Variants in MAST4 observed in about 807,000 individuals in gnomAD.
MAST4 encodes microtubule associated serine/threonine kinase family member 4, also known as microtubule-associated serine/threonine-protein kinase 4.
Under a neutral mutation model 162.7 loss-of-function variants are expected in MAST4, and 89 were observed. The observed-to-expected ratio is 0.55, with a 90% CI of 0.46 to 0.65. MAST4 has a LOEUF of 0.65. MAST4 is among the 30% of genes least tolerant of loss of function. The pLI is 0.00. For synonymous variants in MAST4, 1,479 were observed against 1,361.1 expected, an observed-to-expected ratio of 1.09 and a Z score of -1.91; for missense variants, 3,153 against 3,374.0, an observed-to-expected ratio of 0.93 and a Z score of 1.62.
rs117700975 is a variant in MAST4, at chr5:66,600,845, G to A, written c.363+3827G>A. ...CACTGTGTTTATTAGAACTTGAAAC[G>A]TGCTGGGATCCTTAGAATGGCAGAA... On this transcript the variant is annotated intron_variant, in intron 1 of 28. Transcript: ENST00000403625. Among the ~76,000 whole-genome samples, 472 of 152,232 alleles carry A rather than the reference G, an allele frequency of 3.1e-3. 17 individuals carry two copies. In the South Asian group the frequency reaches 0.058, roughly 19 times the overall value.
chr5:67,165,043 G>T lies in MAST4; in HGVS notation c.5864G>T (p.Cys1955Phe). ...LHSPDLARPR[C>F]PLPPEASPSR... ...AGCCCTGACCTGGCCAGGCCACGCT[G>T]CCCGCTCCCACCTGAAGCTTCCCCC... is the stretch of plus-strand genomic sequence containing the variant. Residue 1955 changes from cysteine to phenylalanine, a missense_variant, in exon 29 of 29, where the codon TGC becomes TTC. By Grantham distance (205) the Cys-to-Phe change is radical. Coordinates refer to ENST00000403625, the MANE Select transcript of MAST4 (RefSeq NM_001164664.2). The T allele has an allele frequency of 1.9e-6, 3 of 1,608,092 alleles. No homozygotes were observed. Among genetic ancestry groups the T allele is most frequent in the Non-Finnish European group, 2.5e-6 (3 of 1,177,186 alleles).
intron 19 of MAST4, 100 bp downstream of exon 19, chr5:67,136,764 A>G: frequency 1.2e-6 from 1 of 834,976 alleles, no homozygotes; most frequent in Non-Finnish European, 2.0e-6. Flanking sequence ...TGCATAGGCA[A>G]CATCTGTTAG....
intron 4 of MAST4, among the ~76,000 whole-genome samples, chr5:66,929,234 G>A (rs1052118841): frequency 6.6e-5 from 10 of 152,168 alleles, no homozygotes; most frequent in Admixed American, 1.3e-4. Flanking sequence ...GTAAGTCCTG[G>A]ATTCCAAAGG....
chr5:67,111,910 G>A (rs1720564976), intron 11 of MAST4, among the ~76,000 whole-genome samples: 1 of 152,168 alleles, frequency 6.6e-6, no homozygotes, highest in South Asian at 2.1e-4. Context: ...GAGTTTCATA[G>A]TATTAGGGGA....
intron 1 of MAST4, among the ~76,000 whole-genome samples, chr5:66,683,000 G>T (rs1173200028): frequency 6.6e-6 from 1 of 152,190 alleles, no homozygotes. Flanking sequence ...GCAGGCGAAG[G>T]GGTGGTGGGG....
chr5:66,605,696 G>A (rs1316352019), intron 1 of MAST4, among the ~76,000 whole-genome samples: 1 of 152,146 alleles, frequency 6.6e-6, no homozygotes, highest in African/African-American at 2.4e-5. Flanking sequence ...CAAAGAGCCT[G>A]TAAGACCCCT....
At chr5:66,751,594 A>C (rs1200229502) in intron 1 of MAST4, among the ~76,000 whole-genome samples, 1 of 151,508 alleles carries the variant, frequency 6.6e-6, no homozygotes, top group Admixed American at 6.6e-5. Context: ...AGTTTAGAGA[A>C]AAAAGAATAA....
intron 4 of MAST4, among the ~76,000 whole-genome samples, chr5:66,919,945 C>T (rs891191786): frequency 1.4e-3 from 184 of 127,292 alleles, no homozygotes; most frequent in African/African-American, 5.5e-3. Context: ...TCCTTCCTTC[C>T]TTCCTTCCTT....
chr5:67,064,945 A>G (rs972739186), intron 5 of MAST4, among the ~76,000 whole-genome samples: 1 of 152,232 alleles, frequency 6.6e-6, no homozygotes, highest in Non-Finnish European at 1.5e-5. Flanking sequence ...GGAAATTAAA[A>G]TAATTGGTTT....
At chr5:66,796,444 T>C (rs2149688213) in intron 3 of MAST4, among the ~76,000 whole-genome samples, 1 of 152,296 alleles carries the variant, frequency 6.6e-6, no homozygotes, top group Non-Finnish European at 1.5e-5. Flanking sequence ...TTACCTTCTT[T>C]AGGTGTTGTC....
intron 5 of MAST4, among the ~76,000 whole-genome samples, chr5:67,084,074 C>G (rs1231447560): frequency 6.6e-6 from 1 of 152,166 alleles, no homozygotes; most frequent in Non-Finnish European, 1.5e-5. Context: ...ATACAGTACA[C>G]AAGTTCCAGA....
intron 1 of MAST4, among the ~76,000 whole-genome samples, chr5:66,626,063 CTAAAATA>C (rs1561221991): frequency 6.6e-6 from 1 of 152,010 alleles, no homozygotes; most frequent in Non-Finnish European, 1.5e-5. Context: ...AACATAGAAT[CTAAAATA>C]TAAATAATCT....
intron 1 of MAST4, chr5:66,738,144 G>A (rs898381049): frequency 3.9e-5 from 6 of 152,154 alleles, no homozygotes; most frequent in Non-Finnish European, 4.4e-5. Flanking sequence ...TTTCTTACTC[G>A]TGCTTTATAT....
At chr5:67,110,956 G>A (rs1386131992) in intron 11 of MAST4, among the ~76,000 whole-genome samples, 4 of 152,090 alleles carry the variant, frequency 2.6e-5, no homozygotes, top group South Asian at 2.1e-4. Flanking sequence ...CCCAGGAGGC[G>A]GAGGTTGCAA....
chr5:67,026,100 A>G (rs1581243752), intron 4 of MAST4, among the ~76,000 whole-genome samples: 1 of 152,232 alleles, frequency 6.6e-6, no homozygotes, highest in Non-Finnish European at 1.5e-5. Flanking sequence ...TGTTAGTCTT[A>G]AAGCAGTTTT....
chr5:66,887,280 C>T (rs937035117), intron 3 of MAST4, among the ~76,000 whole-genome samples: 3 of 152,116 alleles, frequency 2.0e-5, no homozygotes, highest in Non-Finnish European at 1.5e-5. Context: ...AGAACCTAAA[C>T]CTGATTTAAG....
chr5:67,018,633 C>T (rs1753609029), intron 4 of MAST4, among the ~76,000 whole-genome samples: 1 of 152,072 alleles, frequency 6.6e-6, no homozygotes, highest in Non-Finnish European at 1.5e-5. Context: ...GGGAAGGAAA[C>T]AGGGCCTTGA....
In MAST4 at chr5:67,100,603, C is replaced by G. The variant is rs1460157570; in HGVS notation, c.1070+11C>G. On this transcript the variant is annotated intron_variant, in intron 8 of 28. Coordinates refer to ENST00000403625, the MANE Select transcript of MAST4 (RefSeq NM_001164664.2). The stretch of plus-strand genomic sequence containing the variant: ...TTCCCGAAGTCTGAGGTGTGTGGGC[C>G]TGGCTGAAAACCATTACTTAGTTGG... 1.2e-6 allele frequency: 2 copies of G among 1,613,790 alleles called. No homozygotes were observed. Among genetic ancestry groups the G allele is most frequent in the Non-Finnish European group, 1.7e-6 (2 of 1,179,768 alleles).
At chr5:67,078,739 AATATATATTTATTTATATTTATCTAAAT>A (rs1207110513) in intron 5 of MAST4, among the ~76,000 whole-genome samples, 35 of 116,852 alleles carry the variant, frequency 3.0e-4, no homozygotes, top group South Asian at 7.5e-4. Context: ...TATTTATCTA[AATATATATTTATTTATATTTATCTAAAT>A]ATATATATTT....
Sources: gnomAD v4.1 joint callset for allele counts (sites outside exome capture counted in the v4.1 genomes callset) on GRCh38, gnomAD v4.1.1 for gene constraint, MANE v1.5 for transcripts, NCBI Gene and HGNC (gene_info 2026-07-23, HGNC 2026-07-21) for gene names.